PDE10A: variants seen among roughly 807,000 people sequenced by gnomAD.
PDE10A encodes the protein phosphodiesterase 10A.
Under a neutral mutation model 97.7 loss-of-function variants are expected in PDE10A, and 39 were observed. The ratio of observed to expected loss-of-function variants is 0.40; its 90% CI spans 0.31 to 0.52. The LOEUF is 0.52. Among genes scored for constraint, PDE10A ranks in the 20% least tolerant of loss-of-function variants. The pLI, the probability that PDE10A is intolerant of heterozygous loss-of-function variation, is 0.56. For missense variants in PDE10A, 731 were observed against 1,047.8 expected, an observed-to-expected ratio of 0.70 and a Z score of 4.17; for synonymous variants, 371 against 376.8, an observed-to-expected ratio of 0.98 and a Z score of 0.18.
At chr6:165,845,978 G>A (rs1412219057) in intron 1 of PDE10A, among the ~76,000 whole-genome samples, 1 of 151,598 alleles carries the variant, frequency 6.6e-6, no homozygotes, top group Admixed American at 6.6e-5. Flanking sequence ...TTAAGAGTGG[G>A]TAAAGAAAGA....
intron 1 of PDE10A, among the ~76,000 whole-genome samples, chr6:165,629,167 G>A (rs1225976202): frequency 1.3e-5 from 2 of 152,176 alleles, no homozygotes; most frequent in African/African-American, 4.8e-5. Flanking sequence ...GCTGTGCCGT[G>A]TGTGAGGAGA....
At chr6:165,865,028 A>G (rs1166790152) in intron 1 of PDE10A, among the ~76,000 whole-genome samples, 1 of 152,206 alleles carries the variant, frequency 6.6e-6, no homozygotes, top group East Asian at 1.9e-4. Flanking sequence ...ATGCTTTACC[A>G]CCACCTGGAA....
At chr6:165,795,754 CAAAA>C (rs1047015787) in intron 1 of PDE10A, among the ~76,000 whole-genome samples, 1 of 150,636 alleles carries the variant, frequency 6.6e-6, no homozygotes, top group Non-Finnish European at 1.5e-5. Context: ...AACTCCATCT[CAAAA>C]AAAAAGTCAA....
chr6:165,905,871 A>G (rs921813615), intron 1 of PDE10A, among the ~76,000 whole-genome samples: 1 of 152,142 alleles, frequency 6.6e-6, no homozygotes, highest in African/African-American at 2.4e-5. Flanking sequence ...TTCTAGACAC[A>G]AATCTAGTCA....
At chr6:165,631,578 A>G (rs1357697338) in intron 1 of PDE10A, among the ~76,000 whole-genome samples, 2 of 152,232 alleles carry the variant, frequency 1.3e-5, no homozygotes, top group Non-Finnish European at 2.9e-5. Context: ...CAGTAAAATT[A>G]GTATGTCATT....
chr6:165,714,439 C>G lies in PDE10A; in HGVS notation c.-614-170871G>C, dbSNP rs141663247. Among the ~76,000 whole-genome samples the G allele has an allele frequency of 2.5e-3, 388 of 152,350 alleles. 2 individuals are homozygous for G. Among genetic ancestry groups the G allele is most frequent in the African/African-American group, 8.8e-3 (367 of 41,588 alleles). On this transcript the variant is annotated intron_variant, in intron 1 of 19. Coordinates refer to the PDE10A transcript ENST00000366882. ...TCAGAATGATTTCTGAATCTAAACA[C>G]CAAAGCCAAGCTTTCTTTCCAAAAT...
intron 1 of PDE10A, among the ~76,000 whole-genome samples, chr6:165,875,499 C>A (rs919147791): frequency 9.2e-5 from 14 of 152,072 alleles, no homozygotes; most frequent in Admixed American, 6.6e-5. Flanking sequence ...CTTATCAGCC[C>A]GAAAATGATT....
chr6:165,581,673 A>G (rs1785623898), intron 1 of PDE10A, among the ~76,000 whole-genome samples: 2 of 152,196 alleles, frequency 1.3e-5, no homozygotes, highest in South Asian at 4.1e-4. Flanking sequence ...AGAACAAAAC[A>G]ATTTCTCATC....
rs553522708 is a variant in PDE10A, at chr6:165,646,457, T to C, written c.865+15490A>G. On this transcript the variant is annotated intron_variant, in intron 1 of 21. Transcript: ENST00000539869. Reference sequence around the variant, plus strand: ...TAAACTGACATTTGTTGAACATCCATTTTACAGATGAGAAAATTAGAGTGC... The same window carrying C: ...TAAACTGACATTTGTTGAACATCCACTTTACAGATGAGAAAATTAGAGTGC... 1.7e-4 allele frequency among the ~76,000 whole-genome samples: 26 copies of C among 152,358 alleles called. No individual in the cohort carries two copies. In the South Asian group the frequency reaches 5.0e-3, roughly 29 times the overall value.
chr6:165,741,771 G>A (rs1792732302), intron 1 of PDE10A, among the ~76,000 whole-genome samples: 1 of 152,132 alleles, frequency 6.6e-6, no homozygotes, highest in Admixed American at 6.5e-5. Context: ...GAGATTGATT[G>A]TGGGCAAATA....
chr6:165,790,259 A>T (rs1778610946), intron 1 of PDE10A, among the ~76,000 whole-genome samples: 1 of 152,222 alleles, frequency 6.6e-6, no homozygotes. Context: ...TTTCATAATT[A>T]TATTTATAGG....
upstream of PDE10A, among the ~76,000 whole-genome samples, chr6:165,668,045 C>G (rs1047221285): frequency 1.3e-5 from 2 of 152,208 alleles, no homozygotes; most frequent in African/African-American, 4.8e-5. Flanking sequence ...AAATAATCAA[C>G]ACTTTCACCA....
chr6:165,629,074 A>C (rs1489559274), intron 1 of PDE10A, among the ~76,000 whole-genome samples: 1 of 151,796 alleles, frequency 6.6e-6, no homozygotes, highest in Non-Finnish European at 1.5e-5. Context: ...TTGATGTGCG[A>C]GTGGGTAGAT....
intron 1 of PDE10A, among the ~76,000 whole-genome samples, chr6:165,729,193 C>T (rs1018985579): frequency 2.1e-5 from 3 of 141,844 alleles, no homozygotes; most frequent in African/African-American, 7.5e-5. Context: ...CAGAGGGAGA[C>T]TCCATCTCAA....
intron 1 of PDE10A, among the ~76,000 whole-genome samples, chr6:165,945,741 G>C (rs1304507892): frequency 6.6e-6 from 1 of 152,216 alleles, no homozygotes; most frequent in Non-Finnish European, 1.5e-5. Flanking sequence ...TTTGATTGTA[G>C]TAGCCTGACT....
chr6:165,483,769 C>T (rs1325469345), intron 2 of PDE10A, among the ~76,000 whole-genome samples: 1 of 152,160 alleles, frequency 6.6e-6, no homozygotes, highest in Non-Finnish European at 1.5e-5. Context: ...ATTTTCTACC[C>T]TCTGCTAGTC....
chr6:165,796,100 T>C (rs903686890), intron 1 of PDE10A, among the ~76,000 whole-genome samples: 54 of 143,622 alleles, frequency 3.8e-4, no homozygotes, highest in Non-Finnish European at 6.9e-4. Flanking sequence ...TCTTTTTTTT[T>C]TTTTTTTTTT....
At chr6:165,794,269 T>A (rs1378635125) in intron 1 of PDE10A, among the ~76,000 whole-genome samples, 1 of 142,806 alleles carries the variant, frequency 7.0e-6, no homozygotes, top group Non-Finnish European at 1.5e-5. Context: ...ACATACACAC[T>A]CATCACACAC....
intron 18 of PDE10A, among the ~76,000 whole-genome samples, chr6:165,367,611 A>T (rs1249700079): frequency 1.3e-5 from 2 of 151,902 alleles, no homozygotes; most frequent in Non-Finnish European, 2.9e-5. Flanking sequence ...GTAAAAGATC[A>T]CAGTATACTG....
Sources: gnomAD v4.1 joint callset for allele counts (sites outside exome capture counted in the v4.1 genomes callset) on GRCh38, gnomAD v4.1.1 for gene constraint, MANE v1.5 for transcripts, NCBI Gene and HGNC (gene_info 2026-07-23, HGNC 2026-07-21) for gene names.